The following TMEM117 variants were observed in gnomAD, a reference collection of about 807,000 sequenced individuals.
TMEM117 encodes transmembrane protein 117.
In TMEM117, 27 loss-of-function variants were observed where a neutral mutation model predicts 52.4. That is an observed-to-expected ratio of 0.51 (90% CI 0.38 to 0.71). The LOEUF (loss-of-function observed/expected upper bound fraction) is 0.71, where lower values mean the gene tolerates loss of function less well. Ranked by LOEUF, TMEM117 falls within the 30% of genes least tolerant of loss-of-function variation. The probability of loss-of-function intolerance (pLI) is 0.00; values close to 1 mark genes in which losing one functional copy is unlikely to be tolerated. For synonymous variants in TMEM117, 215 were observed against 206.3 expected (o/e 1.04, Z -0.36); for missense variants, 556 against 630.5 (o/e 0.88, Z 1.26).
chr12:43,938,231 A>G lies in TMEM117; in HGVS notation c.278-5979A>G, dbSNP rs1255980104. 3.4e-5 allele frequency among the ~76,000 whole-genome samples: 5 copies of G among 148,180 alleles called. No individual in the cohort carries two copies. The East Asian group carries it at 9.7e-4, about 29-fold the overall frequency. ...TGGTCTGGCTGGGGGCAACAAGGCT[A>G]TATTATATATTATTATATATTATAT... On this transcript the variant is annotated intron_variant, in intron 2 of 7. Transcript: ENST00000266534.
At chr12:44,195,399 T>C (rs1949405405) in intron 4 of TMEM117, among the ~76,000 whole-genome samples, 1 of 152,174 alleles carries the variant, frequency 6.6e-6, no homozygotes, top group South Asian at 2.1e-4. Context: ...AGGACTCATA[T>C]GAGTAAATTA....
intron 5 of TMEM117, among the ~76,000 whole-genome samples, chr12:44,242,898 C>CT (rs1950081258): frequency 6.6e-6 from 1 of 151,468 alleles, no homozygotes; most frequent in African/African-American, 2.4e-5. Context: ...TAAGTGTTCC[C>CT]TTTTTTGTGC....
intron 2 of TMEM117, among the ~76,000 whole-genome samples, chr12:43,903,820 C>T (rs1046666160): frequency 1.3e-5 from 2 of 152,112 alleles, no homozygotes; most frequent in Non-Finnish European, 2.9e-5. Flanking sequence ...CCTCTTGGAA[C>T]AAGAATCCTC....
intron 5 of TMEM117, among the ~76,000 whole-genome samples, chr12:44,276,131 A>C (rs1171061244): frequency 6.6e-6 from 1 of 152,114 alleles, no homozygotes; most frequent in Non-Finnish European, 1.5e-5. Context: ...CAATCCCTCT[A>C]CTGGGTATAT....
At chr12:43,954,327 A>T (rs1395767411) in intron 3 of TMEM117, among the ~76,000 whole-genome samples, 1 of 152,198 alleles carries the variant, frequency 6.6e-6, no homozygotes, top group Admixed American at 6.5e-5. Flanking sequence ...GGAGATAGAG[A>T]TATGAAAAAC....
intron 3 of TMEM117, chr12:44,009,964 T>C: frequency 3.4e-6 from 1 of 290,376 alleles, no homozygotes; most frequent in South Asian, 3.7e-5. Context: ...GGCGTTCCAG[T>C]TGCTTCATCG....
At chr12:43,998,633 G>A (rs1031981466) in intron 3 of TMEM117, among the ~76,000 whole-genome samples, 1 of 152,090 alleles carries the variant, frequency 6.6e-6, no homozygotes, top group Non-Finnish European at 1.5e-5. Context: ...TTAAAACATA[G>A]GAAATTATTT....
intron 3 of TMEM117, among the ~76,000 whole-genome samples, chr12:43,987,146 G>T (rs1945861577): frequency 1.3e-5 from 2 of 152,176 alleles, no homozygotes; most frequent in African/African-American, 4.8e-5. Flanking sequence ...TATAAGAAGA[G>T]TTAAGGCACC....
At chr12:44,357,026 A>G (rs369192943) in intron 6 of TMEM117, among the ~76,000 whole-genome samples, 4 of 152,114 alleles carry the variant, frequency 2.6e-5, no homozygotes, top group African/African-American at 4.8e-5. Flanking sequence ...CTTCATCCCT[A>G]TCACCCAGAT....
At chr12:44,325,341 C>G (rs561509531) in intron 6 of TMEM117, among the ~76,000 whole-genome samples, 1 of 152,088 alleles carries the variant, frequency 6.6e-6, no homozygotes, top group Non-Finnish European at 1.5e-5. Context: ...TTCATATTCT[C>G]CCTTATTATC....
At chr12:43,815,279 C>A in the TMEM117 span, among the ~76,000 whole-genome samples, 1 of 152,138 alleles carries the variant, frequency 6.6e-6, no homozygotes, top group Admixed American at 6.5e-5. Flanking sequence ...TTTATGGAGA[C>A]CTTTAATGCT....
At chr12:43,969,791 C>T (rs997485449) in intron 3 of TMEM117, among the ~76,000 whole-genome samples, 1 of 152,106 alleles carries the variant, frequency 6.6e-6, no homozygotes, top group African/African-American at 2.4e-5. Context: ...TCATTATTCT[C>T]CTTAACCTCT....
chr12:43,850,401 T>G (rs78388987), intron 2 of TMEM117, among the ~76,000 whole-genome samples: 2 of 152,200 alleles, frequency 1.3e-5, no homozygotes, highest in Non-Finnish European at 2.9e-5. Flanking sequence ...ATGATCTACT[T>G]CTTCCTCACT....
At chr12:43,960,400 GCA>G (rs1291557124) in intron 3 of TMEM117, among the ~76,000 whole-genome samples, 4 of 152,228 alleles carry the variant, frequency 2.6e-5, no homozygotes, top group African/African-American at 7.2e-5. Flanking sequence ...CAGCAGTAGG[GCA>G]CAGTTTGCTG....
chr12:44,139,213 C>T (rs1948535837), intron 3 of TMEM117, among the ~76,000 whole-genome samples: 1 of 152,126 alleles, frequency 6.6e-6, no homozygotes, highest in Non-Finnish European at 1.5e-5. Flanking sequence ...GTACTGCCTC[C>T]TGTTAAAATT....
chr12:43,863,704 G>A (rs1277215413), intron 2 of TMEM117, among the ~76,000 whole-genome samples: 1 of 152,140 alleles, frequency 6.6e-6, no homozygotes, highest in South Asian at 2.1e-4. Flanking sequence ...CAAAAGCAAT[G>A]GCTGAGAGGT....
intron 5 of TMEM117, among the ~76,000 whole-genome samples, chr12:44,235,666 A>G (rs149284488): frequency 0.011 from 1,740 of 151,552 alleles, 22 homozygotes; most frequent in South Asian, 0.052. Context: ...TCTTTTCTTC[A>G]TCCATTAACT....
chr12:44,073,027 T>C (rs1947326056), intron 3 of TMEM117, among the ~76,000 whole-genome samples: 1 of 151,924 alleles, frequency 6.6e-6, no homozygotes, highest in South Asian at 2.1e-4. Context: ...AAGGCAGAGG[T>C]TGCAGTGAGC....
intron 3 of TMEM117, among the ~76,000 whole-genome samples, chr12:43,978,143 G>A (rs1325973730): frequency 1.3e-5 from 2 of 152,130 alleles, no homozygotes. Context: ...TGGAAAAATT[G>A]ATGTGATTGG....
Sources: gnomAD v4.1 joint callset for allele counts (sites outside exome capture counted in the v4.1 genomes callset) on GRCh38, gnomAD v4.1.1 for gene constraint, MANE v1.5 for transcripts, NCBI Gene and HGNC (gene_info 2026-07-23, HGNC 2026-07-21) for gene names.